BDP1: variants seen among roughly 807,000 people sequenced by gnomAD.
The protein encoded by BDP1 is transcription factor TFIIIB component B'' homolog.
BDP1 carries 169 observed loss-of-function variants against 266.6 expected under a neutral mutation model. The observed-to-expected ratio is 0.63, with a 90% CI of 0.56 to 0.72. BDP1 has a LOEUF of 0.72. Among genes scored for constraint, BDP1 ranks in the 30% least tolerant of loss-of-function variants. BDP1 has a pLI of 0.00. For missense variants in BDP1, 3,015 were observed against 3,053.8 expected (o/e 0.99, Z 0.30); for synonymous variants, 1,090 against 1,022.4 (o/e 1.07, Z -1.26).
At chr5:71,485,146 T>G (rs1763187721) in intron 8 of BDP1, among the ~76,000 whole-genome samples, 1 of 152,194 alleles carries the variant, frequency 6.6e-6, no homozygotes, top group South Asian at 2.1e-4. Context: ...TAGATATTTT[T>G]AAAATTTATT....
At chr5:71,457,236 G>A (rs1761249679) in intron 1 of BDP1, among the ~76,000 whole-genome samples, 1 of 147,500 alleles carries the variant, frequency 6.8e-6, no homozygotes, top group South Asian at 2.2e-4. Flanking sequence ...TTTTTGAGTT[G>A]ACATTTACGT....
Position 71,532,414 on chromosome 5 carries a change from T to G in BDP1, c.5879T>G (p.Leu1960Trp). ...GAAGAAATGAAACAAGAAGAAAATTTGAGTGTACCGTTTGTAAGCATCCAT... is the reference window on the plus strand; with the variant it reads ...GAAGAAATGAAACAAGAAGAAAATTGGAGTGTACCGTTTGTAAGCATCCAT... The part of the protein sequence containing the change: ...TTEEMKQEEN[L>W]SVPFEMTTSE... The change falls in exon 26 of 39, where the codon TTG (leucine) becomes TGG (tryptophan). Residue 1960 changes from leucine to tryptophan, a missense_variant. Leu to Trp is a moderately conservative substitution (Grantham distance 61). Transcript: ENST00000358731. 1 of 1,613,564 alleles carries G rather than the reference T, an allele frequency of 6.2e-7. No homozygotes were observed. Among genetic ancestry groups the G allele is most frequent in the Admixed American group, 1.7e-5 (1 of 60,002 alleles).
chr5:71,526,911 C>T (rs551248686), intron 25 of BDP1, among the ~76,000 whole-genome samples: 4 of 152,180 alleles, frequency 2.6e-5, no homozygotes, highest in African/African-American at 7.2e-5. Flanking sequence ...GTTTTGAACT[C>T]TTGACCTCAA....
intron 6 of BDP1, 140 bp downstream of exon 6, chr5:71,467,627 T>G: frequency 1.4e-6 from 1 of 705,554 alleles, no homozygotes; most frequent in Non-Finnish European, 2.3e-6. Flanking sequence ...CACCTCTATC[T>G]TATGCCCTCC....
chr5:71,559,163 A>G (rs1295849238), intron 36 of BDP1, among the ~76,000 whole-genome samples: 1 of 152,164 alleles, frequency 6.6e-6, no homozygotes, highest in Non-Finnish European at 1.5e-5. Context: ...CAAAAAAACA[A>G]AAACAAAAAA....
chr5:71,538,856 A>G (rs889370191), intron 26 of BDP1, among the ~76,000 whole-genome samples, 186 bp from the exon 27 acceptor site: 1 of 152,194 alleles, frequency 6.6e-6, no homozygotes, highest in African/African-American at 2.4e-5. Context: ...AGACACAAGA[A>G]TTTTGCCTTT....
chr5:71,471,617 T>C (rs576479304), intron 7 of BDP1, among the ~76,000 whole-genome samples: 2 of 152,222 alleles, frequency 1.3e-5, no homozygotes, highest in Non-Finnish European at 2.9e-5. Flanking sequence ...ACAGCTATTA[T>C]ATGCCCAAGA....
In BDP1 at chr5:71,560,002, G is replaced by T. The variant is rs1308980306; in HGVS notation, c.7261G>T (p.Asp2421Tyr). 3 of 1,613,728 alleles carry T rather than the reference G, an allele frequency of 1.9e-6. No individual in the cohort carries two copies. Among genetic ancestry groups the T allele is most frequent in the Non-Finnish European group, 2.5e-6 (3 of 1,179,998 alleles). ...EETGESHKGQDIFLTSGSTLT... is the reference protein window; with the variant it reads ...EETGESHKGQYIFLTSGSTLT... The stretch of plus-strand genomic sequence containing the variant: ...TGAAGGGGAGTCTCACAAGGGACAA[G>T]ATATTTTTCTTACCTCAGGAAGCAC... The change falls in exon 37 of 39, where the codon GAT (aspartate) becomes TAT (tyrosine). Residue 2421 changes from aspartate (D) to tyrosine (Y), a missense_variant. Transcript: ENST00000358731.
At position 71,511,002 on chromosome 5, in the gene BDP1, A is replaced by G. The variant is rs374907967; in HGVS notation, c.3910A>G (p.Lys1304Glu). ...TGAAGAGATCTGTGTTACTGAGGAAAAGGTGGCAGAATTGAAACAAACTGG... is the reference window on the plus strand; with the variant it reads ...TGAAGAGATCTGTGTTACTGAGGAAGAGGTGGCAGAATTGAAACAAACTGG... ...GSEEICVTEEKVAELKQTGKT... is the reference protein window; with the variant it reads ...GSEEICVTEEEVAELKQTGKT... The change falls in exon 17 of 39, where the codon AAG becomes GAG. Residue 1304 changes from lysine to glutamate, a missense_variant. This residue lies in a region of BDP1 where 2,383 missense variants were observed against 2,404.9 expected (regional missense o/e 0.99). Coordinates refer to ENST00000358731, the MANE Select transcript of BDP1 (RefSeq NM_018429.3). The G allele has an allele frequency of 8.6e-5, 138 of 1,614,014 alleles. No homozygotes were observed. Among genetic ancestry groups the G allele is most frequent in the Middle Eastern group, 1.6e-4 (1 of 6,084 alleles).
At chr5:71,573,246 GA>G in the BDP1 span, among the ~76,000 whole-genome samples, 1 of 137,270 alleles carries the variant, frequency 7.3e-6, no homozygotes, top group African/African-American at 2.7e-5. Flanking sequence ...AAAAAAGAAA[GA>G]AAAGAAAAGA....
At chr5:71,529,628 T>G (rs1341454027) in intron 25 of BDP1, among the ~76,000 whole-genome samples, 1 of 152,128 alleles carries the variant, frequency 6.6e-6, no homozygotes, top group Admixed American at 6.5e-5. Flanking sequence ...GAGTTTGAGG[T>G]TACAGTAAGC....
In BDP1 at chr5:71,562,519, A is replaced by G; in HGVS notation, c.7742A>G (p.Gln2581Arg). The change falls in exon 38 of 39, where the codon CAG (glutamine) becomes CGG (arginine). Residue 2581 changes from glutamine (Q) to arginine (R), a missense_variant and splice_region_variant. Gln to Arg is a conservative substitution (Grantham distance 43). This residue lies in a region of BDP1 where 629 missense variants were observed against 632.5 expected (regional missense o/e 0.99). Coordinates refer to ENST00000358731, the MANE Select transcript of BDP1 (RefSeq NM_018429.3). ...QSENISSSATQVSCDQPLLKE... is the reference protein window; with the variant it reads ...QSENISSSATRVSCDQPLLKE... ...GAGAATATTAGCAGCTCAGCAACTC[A>G]GGTATGTGATAACTACTGTATTTTA... The G allele has an allele frequency of 6.2e-7, 1 of 1,613,164 alleles. No individual in the cohort carries two copies. Among genetic ancestry groups the G allele is most frequent in the Non-Finnish European group, 8.5e-7 (1 of 1,179,602 alleles).
At chr5:71,491,993 G>C (rs1421651130) in intron 11 of BDP1, among the ~76,000 whole-genome samples, 1 of 152,210 alleles carries the variant, frequency 6.6e-6, no homozygotes, top group East Asian at 1.9e-4. Flanking sequence ...TGGGATTACA[G>C]GTGTGAGTCA....
In BDP1 at chr5:71,516,197, G is replaced by A. The variant is rs750411430; in HGVS notation, c.4786G>A (p.Glu1596Lys). ...ACAGAGGCAAATAGTAGACAAAGGT[G>A]AAGCCAAAGGCATAATTAAGGAAGG... The part of the protein sequence containing the change: ...TGQRQIVDKG[E>K]AKGIIKEGRT... The change falls in exon 21 of 39, where the codon GAA becomes AAA. Residue 1596 changes from glutamate (E) to lysine (K), a missense_variant. Physicochemically the swap from Glu to Lys is moderately conservative, Grantham distance 56. Transcript: ENST00000358731. The A allele has an allele frequency of 3.1e-6, 5 of 1,613,440 alleles. No individual in the cohort carries two copies. The South Asian group carries it at 4.4e-5, about 14-fold the overall frequency.
intron 36 of BDP1, among the ~76,000 whole-genome samples, chr5:71,558,762 G>A (rs1328648728): frequency 3.9e-5 from 6 of 151,948 alleles, no homozygotes; most frequent in Non-Finnish European, 5.9e-5. Flanking sequence ...GGAGGCAGAG[G>A]TTGCGGTGAG....
Position 71,510,033 on chromosome 5 carries a change from G to A in BDP1, c.2941G>A (p.Asp981Asn). Residue 981 changes from aspartate (D) to asparagine (N), a missense_variant, in exon 17 of 39, where the codon GAC becomes AAC. Asp to Asn is a conservative substitution (Grantham distance 23). This residue lies in a region of BDP1 where 2,383 missense variants were observed against 2,404.9 expected (regional missense o/e 0.99). Coordinates refer to ENST00000358731, the MANE Select transcript of BDP1 (RefSeq NM_018429.3). ...GGTGACTGATGCCACTGAGGAAATA[G>A]ACAAAAATTTGGAAGAAACTGGAAG... Reference protein sequence around the residue: ...PEVTDATEEIDKNLEETGRRK... With the variant: ...PEVTDATEEINKNLEETGRRK... 1.9e-6 allele frequency: 3 copies of A among 1,613,902 alleles called. No homozygotes were observed. The highest frequency in any genetic ancestry group is 1.7e-6 in the Non-Finnish European group (2 of 1,179,960).
chr5:71,522,227 G>A, intron 22 of BDP1, 62 bp from the exon 23 acceptor site: 3 of 1,312,588 alleles, frequency 2.3e-6, no homozygotes, highest in South Asian at 1.3e-5. Flanking sequence ...TGATGTAACA[G>A]CTGTTATATC....
chr5:71,517,228 G>T, intron 21 of BDP1, 94 bp from the exon 22 acceptor site: 1 of 1,072,466 alleles, frequency 9.3e-7, no homozygotes, highest in Non-Finnish European at 1.3e-6. Context: ...AAAGAAAAGG[G>T]ATTTTAAAAA....
At chr5:71,525,945 A>G (rs1765836836) in intron 25 of BDP1, among the ~76,000 whole-genome samples, 1 of 151,598 alleles carries the variant, frequency 6.6e-6, no homozygotes, top group African/African-American at 2.4e-5. Flanking sequence ...GACACTCCTC[A>G]CTTTCCAGAC....
Sources: gnomAD v4.1 joint callset for allele counts (sites outside exome capture counted in the v4.1 genomes callset) on GRCh38, gnomAD v4.1.1 for gene constraint, gnomAD v4.1.1 regional missense constraint, MANE v1.5 for transcripts, NCBI Gene and HGNC (gene_info 2026-07-23, HGNC 2026-07-21) for gene names.